MSI2: variants seen among roughly 807,000 people sequenced by gnomAD.
The protein encoded by MSI2 is musashi RNA binding protein 2, also known as RNA-binding protein Musashi homolog 2.
MSI2 carries 17 observed loss-of-function variants against 45.6 expected under a neutral mutation model. That is an observed-to-expected ratio of 0.37 (90% CI 0.26 to 0.56). The LOEUF (loss-of-function observed/expected upper bound fraction) is 0.56, where lower values mean the gene tolerates loss of function less well. Among genes scored for constraint, MSI2 ranks in the 20% least tolerant of loss-of-function variants. The pLI, the probability that MSI2 is intolerant of heterozygous loss-of-function variation, is 0.77. For synonymous variants in MSI2, 156 were observed against 158.2 expected (o/e 0.99, Z 0.11); for missense variants, 293 against 444.2 (o/e 0.66, Z 3.06).
At chr17:57,355,242 G>A (rs191136697) in intron 5 of MSI2, among the ~76,000 whole-genome samples, 5 of 152,300 alleles carry the variant, frequency 3.3e-5, no homozygotes, top group African/African-American at 9.6e-5. Flanking sequence ...TGAAGTGGCC[G>A]TCAGGATTCT....
chr17:57,257,216 G>GCCCCCCCCCCCCC (rs371473884), intron 2 of MSI2, 78 bp downstream of exon 2: 1 of 190,574 alleles, frequency 5.2e-6, no homozygotes, highest in African/African-American at 1.1e-4. Context: ...CGGTGTAGGA[G>GCCCCCCCCCCCCC]CCCCCCCCCC....
rs538343844 is a variant in MSI2 at position 57,394,257 on chromosome 17, G to A, written c.313-7122G>A. ...TAGCAAATGAAGGTGTTAGAGCAGT[G>A]AATAGGAAGGGCAAGATTTGGCTTC... is the stretch of plus-strand genomic sequence containing the variant. On this transcript the variant is annotated intron_variant, in intron 5 of 13. Coordinates refer to ENST00000284073, the MANE Select transcript of MSI2 (RefSeq NM_138962.4). Among the ~76,000 whole-genome samples the A allele has an allele frequency of 1.1e-3, 160 of 152,308 alleles. 3 individuals are homozygous for A. The highest frequency in any genetic ancestry group is 1.9e-4 in the East Asian group (1 of 5,186).
At position 57,682,729 on chromosome 17, in the gene MSI2, T is replaced by C; in HGVS notation, c.*3212T>C. The C allele has an allele frequency of 4.5e-6, 1 of 220,058 alleles. No individual in the cohort carries two copies. Among genetic ancestry groups the C allele is most frequent in the Non-Finnish European group, 9.1e-6 (1 of 109,800 alleles). The allele number at this position is 220,058 out of a possible 1,614,324, so 13.6% of individuals were successfully genotyped here. On this transcript the variant is annotated 3_prime_UTR_variant, in exon 14 of 14. Transcript: ENST00000284073. ...TCAATGGCGAACATGGGAACCACCTTTCGCCTTCCCTGGGGGAGAAACCCT... is the reference window on the plus strand; with the variant it reads ...TCAATGGCGAACATGGGAACCACCTCTCGCCTTCCCTGGGGGAGAAACCCT...
intron 7 of MSI2, among the ~76,000 whole-genome samples, chr17:57,548,164 A>C (rs1037787702): frequency 6.6e-6 from 1 of 151,940 alleles, no homozygotes. Context: ...AGGAAAACCA[A>C]CTCTGGGGTC....
At chr17:57,648,132 C>CGTGTGT (rs765039915) in intron 10 of MSI2, among the ~76,000 whole-genome samples, 3,713 of 116,146 alleles carry the variant, frequency 0.032, 93 homozygotes, top group East Asian at 0.053. Flanking sequence ...CTGGCTAATT[C>CGTGTGT]GTGTGTGTGT....
At chr17:57,390,569 A>G (rs2083771680) in intron 5 of MSI2, among the ~76,000 whole-genome samples, 1 of 152,254 alleles carries the variant, frequency 6.6e-6, no homozygotes, top group South Asian at 2.1e-4. Context: ...TACATCTAAA[A>G]TATGGTAATG....
chr17:57,584,111 C>G (rs1044838298), intron 7 of MSI2, among the ~76,000 whole-genome samples: 10 of 152,230 alleles, frequency 6.6e-5, no homozygotes, highest in Admixed American at 1.3e-4. Flanking sequence ...GACTGTGCTG[C>G]CCCCTGTCCG....
chr17:57,620,130 G>A (rs1183489727), intron 9 of MSI2, among the ~76,000 whole-genome samples: 1 of 152,224 alleles, frequency 6.6e-6, no homozygotes, highest in African/African-American at 2.4e-5. Flanking sequence ...AGGCCGTGTG[G>A]TCCAGAGGCA....
intron 7 of MSI2, among the ~76,000 whole-genome samples, chr17:57,532,811 C>A (rs933419210): frequency 6.6e-6 from 1 of 152,250 alleles, no homozygotes; most frequent in African/African-American, 2.4e-5. Context: ...GAGGCCCAGA[C>A]CATCGACCCA....
At chr17:57,279,820 A>AT (rs776269137) in intron 5 of MSI2, 2 of 151,910 alleles carry the variant, frequency 1.3e-5, no homozygotes, top group East Asian at 1.9e-4. Flanking sequence ...AGTTTTTTAA[A>AT]TTTTTTGTAG....
intron 7 of MSI2, among the ~76,000 whole-genome samples, chr17:57,593,876 G>T (rs1442235753): frequency 6.6e-6 from 1 of 152,170 alleles, no homozygotes; most frequent in Non-Finnish European, 1.5e-5. Context: ...GGGAGACGCT[G>T]TCCCTGCATG....
intron 6 of MSI2, among the ~76,000 whole-genome samples, chr17:57,427,650 T>C (rs996153296): frequency 1.3e-5 from 2 of 152,228 alleles, no homozygotes; most frequent in Non-Finnish European, 2.9e-5. Flanking sequence ...TGTTGCCATG[T>C]CATTAATTAT....
intron 5 of MSI2, among the ~76,000 whole-genome samples, chr17:57,293,828 G>A (rs981966045): frequency 2.0e-5 from 3 of 151,000 alleles, no homozygotes; most frequent in South Asian, 2.1e-4. Context: ...GGCTGGTCTC[G>A]AACTCCTGAC....
At chr17:57,662,219 G>A (rs747297011) in intron 11 of MSI2, among the ~76,000 whole-genome samples, 3 of 152,158 alleles carry the variant, frequency 2.0e-5, no homozygotes, top group Non-Finnish European at 4.4e-5. Flanking sequence ...TTGAACAGCT[G>A]TGATGGGCTG....
chr17:57,556,928 G>A (rs986712876), intron 7 of MSI2, among the ~76,000 whole-genome samples: 2 of 152,162 alleles, frequency 1.3e-5, no homozygotes, highest in African/African-American at 2.4e-5. Context: ...GTTTAGTAAT[G>A]CATGCTGTCA....
At chr17:57,521,354 T>C (rs1346483928) in intron 6 of MSI2, among the ~76,000 whole-genome samples, 1 of 152,178 alleles carries the variant, frequency 6.6e-6, no homozygotes, top group Non-Finnish European at 1.5e-5. Flanking sequence ...ACTCCCTTTC[T>C]CGTGGGGTTA....
intron 5 of MSI2, among the ~76,000 whole-genome samples, chr17:57,352,646 T>C (rs1167847715): frequency 2.0e-5 from 3 of 152,164 alleles, no homozygotes; most frequent in East Asian, 1.9e-4. Flanking sequence ...AAGGGTAGGG[T>C]CAGAGGAATA....
intron 5 of MSI2, among the ~76,000 whole-genome samples, chr17:57,339,517 G>A (rs1035745883): frequency 2.0e-5 from 3 of 152,114 alleles, no homozygotes; most frequent in East Asian, 1.9e-4. Flanking sequence ...CCTGTGGCAC[G>A]GACTTGCCCT....
At chr17:57,492,914 G>A (rs545629070) in intron 6 of MSI2, among the ~76,000 whole-genome samples, 1 of 152,296 alleles carries the variant, frequency 6.6e-6, no homozygotes, top group African/African-American at 2.4e-5. Flanking sequence ...TCAGTCTTTT[G>A]TGGAATATCT....
Sources: gnomAD v4.1 joint callset for allele counts (sites outside exome capture counted in the v4.1 genomes callset) on GRCh38, gnomAD v4.1.1 for gene constraint, MANE v1.5 for transcripts, NCBI Gene and HGNC (gene_info 2026-07-23, HGNC 2026-07-21) for gene names.